HCRTR2: variants seen among roughly 807,000 people sequenced by gnomAD.
HCRTR2 encodes the protein orexin receptor type 2.
Under a neutral mutation model 49.0 loss-of-function variants are expected in HCRTR2, and 22 were observed. The ratio of observed to expected loss-of-function variants is 0.45; its 90% confidence interval spans 0.32 to 0.64. HCRTR2 has a LOEUF of 0.64. HCRTR2 is among the 30% of genes least tolerant of loss of function. HCRTR2 has a pLI of 0.04. For missense variants in HCRTR2, 491 were observed against 559.4 expected, an observed-to-expected ratio of 0.88 and a Z score of 1.23; for synonymous variants, 236 against 205.3, an observed-to-expected ratio of 1.15 and a Z score of -1.28.
At chr6:55,237,840 A>G (rs535297781) in intron 1 of HCRTR2, among the ~76,000 whole-genome samples, 1 of 152,358 alleles carries the variant, frequency 6.6e-6, no homozygotes, top group South Asian at 2.1e-4. Context: ...AATATTTAGT[A>G]CTTCAGAGAA....
At chr6:55,191,997 A>T (rs1044077711) in intron 1 of HCRTR2, among the ~76,000 whole-genome samples, 6 of 152,166 alleles carry the variant, frequency 3.9e-5, no homozygotes, top group African/African-American at 1.4e-4. Context: ...TAGGTTAGAG[A>T]TGAGACATTT....
chr6:55,234,977 A>G (rs1766187460), intron 1 of HCRTR2, among the ~76,000 whole-genome samples: 1 of 152,172 alleles, frequency 6.6e-6, no homozygotes, highest in Admixed American at 6.5e-5. Flanking sequence ...TTCAATGATA[A>G]TATAATCACA....
intron 1 of HCRTR2, among the ~76,000 whole-genome samples, chr6:55,134,890 A>G (rs1475878881): frequency 1.3e-5 from 2 of 151,586 alleles, no homozygotes; most frequent in Non-Finnish European, 2.9e-5. Flanking sequence ...TTCTTTATTC[A>G]TTTGTCAGCA....
intron 1 of HCRTR2, among the ~76,000 whole-genome samples, chr6:55,132,690 G>C (rs1764375201): frequency 6.6e-6 from 1 of 150,988 alleles, no homozygotes; most frequent in Admixed American, 6.6e-5. Flanking sequence ...GGGAGCAAAG[G>C]AATGGGACAG....
In HCRTR2 at chr6:55,174,790, C is replaced by T. The variant is rs1765009152; in HGVS notation, c.203C>T (p.Ala68Val). 6.2e-7 allele frequency: 1 copy of T among 1,613,994 alleles called. No homozygotes were observed. The highest frequency in any genetic ancestry group is 8.5e-7 in the Non-Finnish European group (1 of 1,179,970). The change falls in exon 1 of 7, where the codon GCT (alanine) becomes GTT (valine). Residue 68 changes from alanine (A) to valine (V), a missense_variant. Physicochemically the swap from Ala to Val is moderately conservative, Grantham distance 64 (BLOSUM62 0). Transcript: ENST00000370862. ...IAGYIIVFVV[A>V]LIGNVLVCVA... ...GGGTACATCATCGTGTTCGTCGTGG[C>T]TCTCATTGGGAACGTCCTGGGTGAG...
intron 1 of HCRTR2, among the ~76,000 whole-genome samples, chr6:55,121,230 G>A: frequency 6.6e-6 from 1 of 152,018 alleles, no homozygotes; most frequent in Non-Finnish European, 1.5e-5. Context: ...TATTCTCTTT[G>A]AAGCAATTGT....
chr6:55,198,696 T>C (rs1431639809), intron 1 of HCRTR2, among the ~76,000 whole-genome samples: 2 of 152,160 alleles, frequency 1.3e-5, no homozygotes, highest in Admixed American at 6.5e-5. Flanking sequence ...CTGCAAATGA[T>C]AAAACACTGA....
At chr6:55,210,479 A>T (rs760636408) in intron 1 of HCRTR2, among the ~76,000 whole-genome samples, 3 of 152,180 alleles carry the variant, frequency 2.0e-5, no homozygotes, top group Non-Finnish European at 4.4e-5. Flanking sequence ...CTTAAAATTT[A>T]TACTACAAAT....
At chr6:55,130,834 G>C (rs768283226) in intron 1 of HCRTR2, among the ~76,000 whole-genome samples, 2 of 151,798 alleles carry the variant, frequency 1.3e-5, no homozygotes, top group Non-Finnish European at 3.0e-5. Flanking sequence ...AAACACTACT[G>C]TTTTAATATC....
chr6:55,243,908 G>T (rs527659912), intron 1 of HCRTR2, among the ~76,000 whole-genome samples: 28 of 152,234 alleles, frequency 1.8e-4, no homozygotes, highest in African/African-American at 6.5e-4. Context: ...CTAATTAAAA[G>T]ATATTTTGTG....
chr6:55,218,041 A>G (rs1469259717), intron 1 of HCRTR2, among the ~76,000 whole-genome samples: 1 of 152,242 alleles, frequency 6.6e-6, no homozygotes, highest in Non-Finnish European at 1.5e-5. Context: ...TCATTGTATC[A>G]TAACATGGCA....
intron 1 of HCRTR2, among the ~76,000 whole-genome samples, chr6:55,240,968 T>C (rs1175274949): frequency 6.6e-6 from 1 of 151,848 alleles, no homozygotes; most frequent in Non-Finnish European, 1.5e-5. Context: ...TTTTCTTTTC[T>C]TTTTTTATTT....
intron 1 of HCRTR2, among the ~76,000 whole-genome samples, chr6:55,233,095 CTTT>C (rs144244052): frequency 6.9e-6 from 1 of 144,404 alleles, no homozygotes; most frequent in Non-Finnish European, 1.5e-5. Flanking sequence ...AATAAAGCTG[CTTT>C]TTTTTTTTTT....
chr6:55,121,563 G>C (rs1764199831), intron 1 of HCRTR2, among the ~76,000 whole-genome samples: 1 of 152,040 alleles, frequency 6.6e-6, no homozygotes, highest in African/African-American at 2.4e-5. Context: ...AATGCTTCCA[G>C]TTTTTCCCAT....
At chr6:55,145,027 A>G (rs1460558972) in intron 1 of HCRTR2, among the ~76,000 whole-genome samples, 1 of 152,142 alleles carries the variant, frequency 6.6e-6, no homozygotes, top group African/African-American at 2.4e-5. Flanking sequence ...GAGAAAAGCT[A>G]CCCGTCTACT....
intron 1 of HCRTR2, among the ~76,000 whole-genome samples, chr6:55,209,339 G>A (rs1362602973): frequency 6.6e-6 from 1 of 152,152 alleles, no homozygotes; most frequent in African/African-American, 2.4e-5. Flanking sequence ...AAAATAAAAT[G>A]TCAGGAAGCC....
At chr6:55,209,207 A>G (rs578003306) in intron 1 of HCRTR2, among the ~76,000 whole-genome samples, 1 of 152,322 alleles carries the variant, frequency 6.6e-6, no homozygotes, top group African/African-American at 2.4e-5. Flanking sequence ...AGACTATCAG[A>G]ATTCAAGAAC....
chr6:55,228,218 A>T (rs998417082), intron 1 of HCRTR2, among the ~76,000 whole-genome samples: 2 of 152,054 alleles, frequency 1.3e-5, no homozygotes, highest in Non-Finnish European at 2.9e-5. Context: ...GATAGACAAA[A>T]GTTTTGAAAT....
chr6:55,181,611 A>G (rs1765135426), intron 1 of HCRTR2, among the ~76,000 whole-genome samples: 1 of 152,170 alleles, frequency 6.6e-6, no homozygotes. Context: ...TCTTCACAAC[A>G]ACATTATGAG....
Sources: gnomAD v4.1 joint callset for allele counts (sites outside exome capture counted in the v4.1 genomes callset) on GRCh38, gnomAD v4.1.1 for gene constraint, MANE v1.5 for transcripts, NCBI Gene and HGNC (gene_info 2026-07-23, HGNC 2026-07-21) for gene names.